The following LGSN variants were observed in gnomAD, a reference collection of about 807,000 sequenced individuals.
LGSN encodes the protein lengsin, lens protein with glutamine synthetase domain.
In LGSN, 21 loss-of-function variants were observed where a neutral mutation model predicts 19.5. The ratio of observed to expected loss-of-function variants is 1.07; its 90% confidence interval spans 0.76 to 1.55. The LOEUF (loss-of-function observed/expected upper bound fraction) is 1.55, where lower values mean the gene tolerates loss of function less well. Among genes scored for constraint, LGSN ranks in the 40% most tolerant of loss-of-function variants. The pLI, the probability that LGSN is intolerant of heterozygous loss-of-function variation, is 0.00. For missense variants in LGSN, 673 were observed against 608.5 expected (o/e 1.11, Z -1.12); for synonymous variants, 257 against 215.6 (o/e 1.19, Z -1.68).
chr6:63,341,181 G>A, the LGSN span, among the ~76,000 whole-genome samples: 1 of 152,192 alleles, frequency 6.6e-6, no homozygotes, highest in Non-Finnish European at 1.5e-5. Context: ...GTGCATATAG[G>A]TATCAGCAGA....
the LGSN span, among the ~76,000 whole-genome samples, chr6:63,390,755 A>G: frequency 6.7e-6 from 1 of 149,972 alleles, no homozygotes; most frequent in African/African-American, 2.5e-5. Flanking sequence ...GCTACTCGGG[A>G]GGCTGAGGCA....
At chr6:63,300,070 G>A (rs2127390349) in intron 1 of LGSN, among the ~76,000 whole-genome samples, 1 of 152,270 alleles carries the variant, frequency 6.6e-6, no homozygotes, top group Admixed American at 6.5e-5. Context: ...GGTGAGGCCT[G>A]GAGACGTGTA....
At chr6:63,555,563 T>TTGTAGTAGTTATGGAGGATTTTGTCTCA in the LGSN span, among the ~76,000 whole-genome samples, 275 of 152,294 alleles carry the variant, frequency 1.8e-3, no homozygotes, top group African/African-American at 6.3e-3. Context: ...TCTGTGCCTA[T>TTGTAGTAGTTATGGAGGATTTTGTCTCA]TGTAGTAGTT....
At chr6:63,503,722 C>T in the LGSN span, among the ~76,000 whole-genome samples, 5 of 152,124 alleles carry the variant, frequency 3.3e-5, no homozygotes, top group African/African-American at 7.2e-5. Flanking sequence ...TGAGACCAGC[C>T]TGGGCAACAT....
the LGSN span, among the ~76,000 whole-genome samples, chr6:63,471,782 C>A: frequency 1.4e-4 from 22 of 152,048 alleles, no homozygotes; most frequent in Non-Finnish European, 2.2e-4. Flanking sequence ...CCCTAACCCC[C>A]AGTGCAATGG....
At chr6:63,554,505 T>C in the LGSN span, among the ~76,000 whole-genome samples, 1 of 152,090 alleles carries the variant, frequency 6.6e-6, no homozygotes, top group Non-Finnish European at 1.5e-5. Flanking sequence ...GAACACCTAT[T>C]ACATAATTTA....
the LGSN span, among the ~76,000 whole-genome samples, chr6:63,419,880 CAAAAAAAAAAAAAAAAAAAAAA>C: frequency 5.7e-3 from 329 of 57,302 alleles, 3 homozygotes; most frequent in African/African-American, 0.025. Context: ...AACTCCCTCC[CAAAAAAAAAAAAAAAAAAAAAA>C]AAAAAAAAAA....
At chr6:63,323,322 G>A (rs144339150), upstream of LGSN, among the ~76,000 whole-genome samples, 446 of 152,210 alleles carry the variant, frequency 2.9e-3, 3 homozygotes, top group African/African-American at 0.01. Context: ...GTGAAGTCTT[G>A]GCTTTTAGTG....
upstream of LGSN, among the ~76,000 whole-genome samples, chr6:63,321,330 C>T (rs1401522917): frequency 2.6e-5 from 4 of 152,100 alleles, no homozygotes; most frequent in African/African-American, 4.8e-5. Context: ...TGAAAAATTT[C>T]GTTTTTGTTT....
At chr6:63,458,248 G>T in the LGSN span, among the ~76,000 whole-genome samples, 1 of 151,936 alleles carries the variant, frequency 6.6e-6, no homozygotes, top group Non-Finnish European at 1.5e-5. Context: ...TGTATTTTTA[G>T]TATAGACGGG....
the LGSN span, among the ~76,000 whole-genome samples, chr6:63,537,876 A>G: frequency 6.6e-6 from 1 of 152,214 alleles, no homozygotes; most frequent in South Asian, 2.1e-4. Flanking sequence ...CCGTAGTGAG[A>G]GAGAAGTTGG....
the LGSN span, among the ~76,000 whole-genome samples, chr6:63,368,217 T>G: frequency 6.6e-6 from 1 of 152,144 alleles, no homozygotes. Context: ...GAGACTAAAG[T>G]GCATCTTACA....
the LGSN span, among the ~76,000 whole-genome samples, chr6:63,349,040 A>C: frequency 6.6e-6 from 1 of 152,228 alleles, no homozygotes; most frequent in Admixed American, 6.5e-5. Flanking sequence ...AAGGGGGCAG[A>C]AGTCAAAGCA....
the LGSN span, among the ~76,000 whole-genome samples, chr6:63,517,082 G>GAA: frequency 6.6e-6 from 1 of 152,036 alleles, no homozygotes; most frequent in Non-Finnish European, 1.5e-5. Context: ...AAGGTTTTAA[G>GAA]AATTAAATGA....
At chr6:63,372,623 T>C in the LGSN span, among the ~76,000 whole-genome samples, 455 of 152,306 alleles carry the variant, frequency 3.0e-3, 3 homozygotes, top group African/African-American at 0.011. Context: ...TCTGACTTTC[T>C]TTTAGAAAAT....
chr6:63,525,954 A>G, the LGSN span, among the ~76,000 whole-genome samples: 21 of 152,192 alleles, frequency 1.4e-4, no homozygotes, highest in Non-Finnish European at 7.3e-5. Context: ...CCAATTGTCA[A>G]TTGTTTAAAC....
At chr6:63,324,887 C>T (rs969283346), upstream of LGSN, among the ~76,000 whole-genome samples, 17 of 151,252 alleles carry the variant, frequency 1.1e-4, no homozygotes, top group African/African-American at 4.1e-4. Context: ...GCGGTCACAT[C>T]ACAAATTCAG....
chr6:63,374,493 G>A, the LGSN span, among the ~76,000 whole-genome samples: 10 of 152,136 alleles, frequency 6.6e-5, no homozygotes, highest in Admixed American at 6.6e-4. Context: ...TTCCCAAGAT[G>A]TTAAAATGAA....
At chr6:63,565,177 T>A in the LGSN span, among the ~76,000 whole-genome samples, 1 of 151,932 alleles carries the variant, frequency 6.6e-6, no homozygotes, top group African/African-American at 2.4e-5. Flanking sequence ...CATGCCCAGA[T>A]AATTTTTTTT....
Sources: gnomAD v4.1 joint callset for allele counts (sites outside exome capture counted in the v4.1 genomes callset) on GRCh38, gnomAD v4.1.1 for gene constraint, MANE v1.5 for transcripts, NCBI Gene and HGNC (gene_info 2026-07-23, HGNC 2026-07-21) for gene names.